The following ZFAT variants were observed in gnomAD, a reference collection of about 807,000 sequenced individuals.
ZFAT encodes the protein zinc finger protein ZFAT.
A neutral mutation model predicts 117.7 loss-of-function variants in ZFAT; 64 were observed. The ratio of observed to expected loss-of-function variants is 0.54; its 90% confidence interval spans 0.44 to 0.67. The LOEUF is 0.67. Among genes scored for constraint, ZFAT ranks in the 30% least tolerant of loss-of-function variants. ZFAT has a pLI of 0.00. For synonymous variants in ZFAT, 679 were observed against 615.0 expected (o/e 1.10, Z -1.54); for missense variants, 1,433 against 1,584.5 (o/e 0.90, Z 1.62).
At chr8:134,722,787 C>T in the ZFAT span, among the ~76,000 whole-genome samples, 4 of 152,144 alleles carry the variant, frequency 2.6e-5, no homozygotes, top group African/African-American at 9.7e-5. Flanking sequence ...CTGAACTGTG[C>T]CCCCCTTAAC....
intron 11 of ZFAT, chr8:134,565,018 A>G: frequency 7.6e-7 from 1 of 1,313,206 alleles, no homozygotes; most frequent in Non-Finnish European, 9.9e-7. Flanking sequence ...AAGCAAAAAT[A>G]CGTGTCCCTA....
At chr8:134,782,768 G>C in the ZFAT span, among the ~76,000 whole-genome samples, 1 of 151,986 alleles carries the variant, frequency 6.6e-6, no homozygotes, top group Non-Finnish European at 1.5e-5. Flanking sequence ...GTGGAACTAT[G>C]AGTCCATTAA....
Position 134,497,693 on chromosome 8 carries a change from C to T in ZFAT, c.3492+11926G>A, listed in dbSNP as rs376664094. Among the ~76,000 whole-genome samples the T allele has an allele frequency of 9.5e-4, 49 of 51,820 alleles. 4 individuals carry two copies. The highest frequency in any genetic ancestry group is 2.6e-3 in the African/African-American group (39 of 15,088). The allele number at this position is 51,820 out of a possible 152,430, so 34.0% of individuals were successfully genotyped here. A position where few individuals can be genotyped will look rare whatever the true frequency, so the allele number is the denominator to read the frequency against. ...GGTTGGGGTGGAGCCAGGATGCCCCCGCTGCTGGTTACACACACAGCCTGA... is the reference window on the plus strand; with the variant it reads ...GGTTGGGGTGGAGCCAGGATGCCCCTGCTGCTGGTTACACACACAGCCTGA... On this transcript the variant is annotated intron_variant, in intron 15 of 15. Coordinates refer to ENST00000377838, the MANE Select transcript of ZFAT (RefSeq NM_020863.4).
upstream of ZFAT, among the ~76,000 whole-genome samples, chr8:134,715,391 G>A (rs1045531258): frequency 2.0e-5 from 3 of 152,188 alleles, no homozygotes; most frequent in Non-Finnish European, 4.4e-5. Context: ...GAGTTACTGA[G>A]CACCTATTAT....
At chr8:134,505,321 T>TA (rs1047535655) in intron 15 of ZFAT, among the ~76,000 whole-genome samples, 10 of 152,192 alleles carry the variant, frequency 6.6e-5, no homozygotes, top group African/African-American at 2.4e-4. Context: ...TTTCCCTTGT[T>TA]AGACTATTTG....
chr8:134,714,107 G>GCCCCC (rs34806943), upstream of ZFAT, among the ~76,000 whole-genome samples: 4 of 94,390 alleles, frequency 4.2e-5, no homozygotes, highest in African/African-American at 7.8e-5. Flanking sequence ...GCAAAGACAT[G>GCCCCC]CCCCCCCCCC....
the ZFAT span, chr8:134,797,951 A>G: frequency 6.6e-6 from 1 of 151,756 alleles, no homozygotes; most frequent in Admixed American, 6.6e-5. Context: ...ATAATATTGC[A>G]TAATATGTTG....
intron 5 of ZFAT, among the ~76,000 whole-genome samples, chr8:134,607,151 C>T (rs1269444492): frequency 1.3e-5 from 2 of 152,096 alleles, no homozygotes; most frequent in Non-Finnish European, 2.9e-5. Flanking sequence ...TTTAGCTGAA[C>T]CTCCCCGCCA....
intron 12 of ZFAT, among the ~76,000 whole-genome samples, chr8:134,529,713 A>AC (rs2130540353): frequency 6.6e-6 from 1 of 152,330 alleles, no homozygotes; most frequent in South Asian, 2.1e-4. Context: ...CCAAATGTGC[A>AC]CATGTCCCCG....
the ZFAT span, among the ~76,000 whole-genome samples, chr8:134,828,961 A>T: frequency 6.6e-6 from 1 of 152,188 alleles, no homozygotes; most frequent in Non-Finnish European, 1.5e-5. Context: ...CTTTAGACCA[A>T]ATCTACTTAT....
chr8:134,734,086 T>G, the ZFAT span, among the ~76,000 whole-genome samples: 1 of 152,102 alleles, frequency 6.6e-6, no homozygotes, highest in African/African-American at 2.4e-5. Context: ...TATTAAGGGG[T>G]TTTTGCCATG....
intron 1 of ZFAT, chr8:134,674,900 G>C (rs1458536799): frequency 6.2e-6 from 1 of 160,396 alleles, no homozygotes; most frequent in African/African-American, 2.4e-5. Context: ...TGCAGCAGAG[G>C]GGCCTGACTG....
At chr8:134,565,213 G>A (rs1353266007) in intron 11 of ZFAT, 120 bp downstream of exon 11, 27 of 1,549,936 alleles carry the variant, frequency 1.7e-5, no homozygotes, top group East Asian at 2.4e-5. Context: ...TACCAGCTAA[G>A]GGGGCCCCAA....
chr8:134,679,713 T>C (rs2131293878), intron 1 of ZFAT, among the ~76,000 whole-genome samples: 1 of 152,094 alleles, frequency 6.6e-6, no homozygotes, highest in East Asian at 1.9e-4. Context: ...ATAGACTGGA[T>C]AAAGAAAATG....
the ZFAT span, among the ~76,000 whole-genome samples, chr8:134,737,795 A>G: frequency 5.3e-5 from 8 of 152,232 alleles, no homozygotes; most frequent in Non-Finnish European, 1.2e-4. Context: ...TGATACATCT[A>G]CAACCAGAAC....
At chr8:134,578,644 G>C (rs915038156) in intron 10 of ZFAT, among the ~76,000 whole-genome samples, 2 of 152,084 alleles carry the variant, frequency 1.3e-5, no homozygotes, top group Non-Finnish European at 2.9e-5. Flanking sequence ...TGGACTTGTG[G>C]GGACCAGGAG....
chr8:134,538,343 A>C (rs1306066434), intron 11 of ZFAT, among the ~76,000 whole-genome samples: 1 of 152,140 alleles, frequency 6.6e-6, no homozygotes, highest in African/African-American at 2.4e-5. Flanking sequence ...TGGACCTGGC[A>C]ACCAGGGGGT....
chr8:134,522,196 C>A (rs1820714836), intron 12 of ZFAT, among the ~76,000 whole-genome samples: 1 of 152,252 alleles, frequency 6.6e-6, no homozygotes, highest in Non-Finnish European at 1.5e-5. Context: ...CAGGCCCGGG[C>A]AGGGCAGCAA....
At chr8:134,630,844 T>C (rs998519895) in intron 3 of ZFAT, among the ~76,000 whole-genome samples, 2 of 152,250 alleles carry the variant, frequency 1.3e-5, no homozygotes, top group Non-Finnish European at 2.9e-5. Context: ...TTTTGTTTTC[T>C]TCTAATTGTT....
Sources: gnomAD v4.1 joint callset for allele counts (sites outside exome capture counted in the v4.1 genomes callset) on GRCh38, gnomAD v4.1.1 for gene constraint, MANE v1.5 for transcripts, NCBI Gene and HGNC (gene_info 2026-07-23, HGNC 2026-07-21) for gene names.